ATAD2B: variants seen among roughly 807,000 people sequenced by gnomAD.
The protein encoded by ATAD2B is ATPase family AAA domain-containing protein 2B.
Under a neutral mutation model 167.6 loss-of-function variants are expected in ATAD2B, and 40 were observed. The observed-to-expected ratio is 0.24, with a 90% CI of 0.19 to 0.31. ATAD2B has a LOEUF of 0.31. ATAD2B is among the 10% of genes least tolerant of loss of function. ATAD2B has a pLI of 1.00. For missense variants in ATAD2B, 1,242 were observed against 1,757.2 expected, an observed-to-expected ratio of 0.71 and a Z score of 5.24; for synonymous variants, 579 against 596.5, an observed-to-expected ratio of 0.97 and a Z score of 0.43.
intron 12 of ATAD2B, among the ~76,000 whole-genome samples, chr2:23,859,374 A>G (rs1174056989): frequency 2.0e-5 from 3 of 152,020 alleles, no homozygotes; most frequent in Non-Finnish European, 4.4e-5. Context: ...CAGTGACATA[A>G]TCACAGCTCA....
intron 22 of ATAD2B, among the ~76,000 whole-genome samples, chr2:23,770,717 C>T (rs1312710925): frequency 6.6e-6 from 1 of 152,190 alleles, no homozygotes. Context: ...AAACTTCATG[C>T]CAACATACAC....
At chr2:23,866,298 G>A (rs147963867) in intron 10 of ATAD2B, among the ~76,000 whole-genome samples, 32 of 152,264 alleles carry the variant, frequency 2.1e-4, no homozygotes, top group African/African-American at 6.3e-4. Flanking sequence ...CCAGCTACTC[G>A]GGAGGCTGAG....
At chr2:23,788,053 A>G (rs1681085849) in intron 20 of ATAD2B, 2 of 154,870 alleles carry the variant, frequency 1.3e-5, no homozygotes, top group Admixed American at 6.3e-5. Flanking sequence ...GGGGTCCTAA[A>G]TAAGTATTTG....
the ATAD2B span, among the ~76,000 whole-genome samples, chr2:23,711,771 A>G: frequency 6.6e-6 from 1 of 152,206 alleles, no homozygotes; most frequent in Non-Finnish European, 1.5e-5. Flanking sequence ...ACTATCAAGT[A>G]ACAAAGACAA....
intron 22 of ATAD2B, among the ~76,000 whole-genome samples, chr2:23,771,940 A>G (rs1678384430): frequency 6.6e-6 from 1 of 152,086 alleles, no homozygotes; most frequent in Non-Finnish European, 1.5e-5. Context: ...TTCAGATTCC[A>G]GGTCTGGCTC....
chr2:23,693,384 G>A, the ATAD2B span: 1 of 1,551,740 alleles, frequency 6.4e-7, no homozygotes, highest in Non-Finnish European at 8.7e-7. Flanking sequence ...TCCCCGAGGT[G>A]GCCGCCCAGG....
chr2:23,895,981 ATGT>A lies in ATAD2B; in HGVS notation c.217-14_217-12del. 6.2e-7 allele frequency: 1 copy of A among 1,601,116 alleles called. No individual in the cohort carries two copies. The highest frequency in any genetic ancestry group is 1.7e-5 in the Admixed American group (1 of 59,380). ...ATCAACTTCAACTTTCTGAAAGACA[ATGT>A]TAAAAATGTATTTATTATTCCTATT... is the stretch of plus-strand genomic sequence containing the variant. On this transcript the variant is annotated splice_polypyrimidine_tract_variant and intron_variant, in intron 1 of 27. Coordinates refer to ENST00000238789, the MANE Select transcript of ATAD2B (RefSeq NM_017552.4).
chr2:23,758,163 T>A (rs899905948), intron 24 of ATAD2B, 62 bp from the exon 25 acceptor site: 7 of 1,331,318 alleles, frequency 5.3e-6, no homozygotes, highest in Non-Finnish European at 7.1e-6. Flanking sequence ...ATTTTACATA[T>A]GTTTATTAAA....
chr2:23,756,128 G>A (rs1044891522), intron 25 of ATAD2B, among the ~76,000 whole-genome samples: 1 of 152,076 alleles, frequency 6.6e-6, no homozygotes, highest in Non-Finnish European at 1.5e-5. Flanking sequence ...CCTCATACCA[G>A]ATTCCTTCTC....
chr2:23,904,901 A>C (rs753771152), intron 1 of ATAD2B, among the ~76,000 whole-genome samples: 1 of 152,200 alleles, frequency 6.6e-6, no homozygotes, highest in South Asian at 2.1e-4. Context: ...AAAACTCTGC[A>C]CTGCTATTTA....
At chr2:23,723,024 G>A in the ATAD2B span, among the ~76,000 whole-genome samples, 1 of 152,186 alleles carries the variant, frequency 6.6e-6, no homozygotes, top group Non-Finnish European at 1.5e-5. Context: ...AGGTACAGTG[G>A]CTCACATCTG....
In ATAD2B at chr2:23,926,983, T is replaced by C; in HGVS notation, c.-213A>G. On this transcript the variant is annotated 5_prime_UTR_variant, in exon 1 of 28. Coordinates refer to ENST00000238789, the MANE Select transcript of ATAD2B (RefSeq NM_017552.4). ...GGCGTGCGGGAAGCGGGGGCGGTGCTGCAGACCGGCAGCACAGACACTCCG... is the reference window on the plus strand; with the variant it reads ...GGCGTGCGGGAAGCGGGGGCGGTGCCGCAGACCGGCAGCACAGACACTCCG... 1 of 562,134 alleles carries C rather than the reference T, an allele frequency of 1.8e-6. No individual in the cohort carries two copies. 34.8% of individuals were successfully genotyped at this position (562,134 alleles called of 1,614,324 possible).
At chr2:23,887,478 A>G (rs555713319) in intron 4 of ATAD2B, among the ~76,000 whole-genome samples, 38 of 152,350 alleles carry the variant, frequency 2.5e-4, no homozygotes, top group African/African-American at 9.1e-4. Context: ...TGATGTTATC[A>G]CTGTAGAATA....
intron 13 of ATAD2B, among the ~76,000 whole-genome samples, chr2:23,838,924 G>A (rs1268074771): frequency 1.3e-5 from 2 of 151,996 alleles, no homozygotes; most frequent in African/African-American, 2.4e-5. Flanking sequence ...AAAGATAATT[G>A]AAAAATATTT....
At chr2:23,690,116 T>A in the ATAD2B span, 2 of 152,206 alleles carry the variant, frequency 1.3e-5, no homozygotes, top group African/African-American at 4.8e-5. Flanking sequence ...CACCTCCCCC[T>A]CTCCTCCTGG....
the ATAD2B span, chr2:23,696,052 T>G: frequency 1.3e-6 from 2 of 1,551,618 alleles, no homozygotes; most frequent in Non-Finnish European, 1.7e-6. The surrounding 1 kb of genome is among the most constrained non-coding windows in gnomAD (Gnocchi z 5.5). Flanking sequence ...GAACAACAAG[T>G]GGTACCCCTT....
At chr2:23,867,036 T>C (rs1048077204) in intron 10 of ATAD2B, among the ~76,000 whole-genome samples, 1 of 152,208 alleles carries the variant, frequency 6.6e-6, no homozygotes, top group Non-Finnish European at 1.5e-5. Flanking sequence ...GCTCTTTATA[T>C]TGATGACCCG....
At chr2:23,886,297 T>C (rs907547622) in intron 4 of ATAD2B, among the ~76,000 whole-genome samples, 1 of 152,024 alleles carries the variant, frequency 6.6e-6, no homozygotes, top group African/African-American at 2.4e-5. Flanking sequence ...CAGTGCCCAA[T>C]AAGAAAAGCA....
downstream of ATAD2B, among the ~76,000 whole-genome samples, chr2:23,746,612 GAT>G (rs1674896140): frequency 6.6e-6 from 1 of 152,098 alleles, no homozygotes; most frequent in South Asian, 2.1e-4. Flanking sequence ...CCCAAACTAA[GAT>G]AACAGGAATG....
Sources: gnomAD v4.1 joint callset for allele counts (sites outside exome capture counted in the v4.1 genomes callset) on GRCh38, gnomAD v4.1.1 for gene constraint, Gnocchi (gnomAD v3.1) non-coding constraint, MANE v1.5 for transcripts, NCBI Gene and HGNC (gene_info 2026-07-23, HGNC 2026-07-21) for gene names.